CWF19L2: variants seen among roughly 807,000 people sequenced by gnomAD.
CWF19L2 encodes the protein CWF19 like cell cycle control factor 2.
CWF19L2 carries 98 observed loss-of-function variants against 111.7 expected under a neutral mutation model. The observed-to-expected ratio is 0.88, with a 90% CI of 0.75 to 1.04. The LOEUF is 1.04. Ranked by LOEUF, CWF19L2 falls within the 50% of genes least tolerant of loss-of-function variation. The pLI is 0.00. For missense variants in CWF19L2, 1,101 were observed against 1,051.4 expected, an observed-to-expected ratio of 1.05 and a Z score of -0.65; for synonymous variants, 351 against 342.9, an observed-to-expected ratio of 1.02 and a Z score of -0.26.
intron 16 of CWF19L2, 112 bp from the exon 17 acceptor site, chr11:107,330,131 AT>A: frequency 1.9e-6 from 1 of 523,458 alleles, no homozygotes; most frequent in Non-Finnish European, 3.2e-6. Context: ...CTCAAGACAA[AT>A]GTATAAAATG....
chr11:107,406,316 T>A (rs766456936), intron 10 of CWF19L2, among the ~76,000 whole-genome samples: 2 of 152,108 alleles, frequency 1.3e-5, no homozygotes, highest in South Asian at 4.2e-4. Context: ...AAAGCATGTT[T>A]CAACTTTTAT....
Position 107,438,116 on chromosome 11 carries a change from G to A in CWF19L2, c.664+974C>T, listed in dbSNP as rs180840293. 4.6e-5 allele frequency among the ~76,000 whole-genome samples: 7 copies of A among 152,160 alleles called. No homozygotes were observed. In the East Asian group the frequency reaches 1.2e-3, roughly 25 times the overall value. On this transcript the variant is annotated intron_variant, in intron 6 of 17. Transcript: ENST00000282251. Reference sequence around the variant, plus strand: ...TGTCATCTCTACATAAAATACAGAAGAATTTTAACAAATAACCAAAATAAA... The same window carrying A: ...TGTCATCTCTACATAAAATACAGAAAAATTTTAACAAATAACCAAAATAAA...
intron 6 of CWF19L2, 72 bp from the exon 7 acceptor site, chr11:107,433,821 T>A: frequency 2.2e-6 from 1 of 451,308 alleles, no homozygotes. Flanking sequence ...ATTGCTTCTA[T>A]GACTTCTAAA....
intron 10 of CWF19L2, among the ~76,000 whole-genome samples, chr11:107,394,548 C>A (rs564324638): frequency 3.3e-5 from 5 of 152,178 alleles, no homozygotes; most frequent in Admixed American, 6.5e-5. Flanking sequence ...ACACTCTACT[C>A]TCTCCTGGTT....
intron 10 of CWF19L2, among the ~76,000 whole-genome samples, chr11:107,401,927 A>G (rs1357079199): frequency 6.6e-6 from 1 of 152,182 alleles, no homozygotes; most frequent in Non-Finnish European, 1.5e-5. Context: ...AAATAAACCC[A>G]AATACTTAAA....
chr11:107,350,835 T>C (rs534142980), intron 13 of CWF19L2, among the ~76,000 whole-genome samples: 2 of 151,990 alleles, frequency 1.3e-5, no homozygotes, highest in East Asian at 1.9e-4. Context: ...TGAGAAGATA[T>C]GTGAAGGAAG....
intron 12 of CWF19L2, among the ~76,000 whole-genome samples, chr11:107,356,431 A>C (rs1860238265): frequency 6.6e-6 from 1 of 152,224 alleles, no homozygotes; most frequent in South Asian, 2.1e-4. Flanking sequence ...CATTTCTTAG[A>C]GCACACTGAC....
At chr11:107,434,017 T>C (rs1281270246) in intron 6 of CWF19L2, among the ~76,000 whole-genome samples, 1 of 148,084 alleles carries the variant, frequency 6.8e-6, no homozygotes, top group Non-Finnish European at 1.5e-5. Context: ...AGAATAAGAA[T>C]AAAAGGACAT....
intron 9 of CWF19L2, 111 bp from the exon 10 acceptor site, chr11:107,416,409 A>T (rs1461404730): frequency 4.8e-6 from 2 of 418,808 alleles, no homozygotes; most frequent in Non-Finnish European, 8.2e-6. Context: ...ACACTCATGT[A>T]GCCTTCATCT....
intron 6 of CWF19L2, among the ~76,000 whole-genome samples, 172 bp from the exon 7 acceptor site, chr11:107,433,921 T>TATATATATATATATATATA (rs1861504255): frequency 7.1e-6 from 1 of 140,248 alleles, no homozygotes; most frequent in African/African-American, 2.6e-5. Context: ...TATATATATA[T>TATATATATATATATATATA]TTCAGTGCCT....
intron 6 of CWF19L2, 83 bp downstream of exon 6, chr11:107,439,007 C>T: frequency 4.5e-6 from 3 of 671,122 alleles, no homozygotes; most frequent in South Asian, 3.8e-5. Context: ...CACTGCACTC[C>T]CTGGCTGACA....
chr11:107,417,575 T>A (rs967192495), intron 9 of CWF19L2, among the ~76,000 whole-genome samples: 2 of 152,170 alleles, frequency 1.3e-5, no homozygotes, highest in East Asian at 3.8e-4. Flanking sequence ...GTAGAAAAAG[T>A]GACATCTTTA....
Position 107,373,177 on chromosome 11 carries a change from G to A in CWF19L2, c.1872+16897C>T, listed in dbSNP as rs574832716. ...AGCAGCTGAGATCAAACTGCAAGGC[G>A]GCAGCGAGGCTAGGGGAGGGGCGCC... On this transcript the variant is annotated intron_variant, in intron 12 of 17. Transcript: ENST00000282251. Among the ~76,000 whole-genome samples, 33 of 128,052 alleles carry A rather than the reference G, an allele frequency of 2.6e-4. 5 individuals carry two copies. The highest frequency in any genetic ancestry group is 9.6e-4 in the African/African-American group (29 of 30,162). 84.0% of individuals were successfully genotyped at this position (128,052 alleles called of 152,430 possible). A position where few individuals can be genotyped will look rare whatever the true frequency, so the allele number is the denominator to read the frequency against.
chr11:107,329,965 CA>C lies in CWF19L2; in HGVS notation c.2493del (p.Phe831LeufsTer20). ...FSVDFGLHGG[F>X]AHVIEDQHKF... ...TTGTGCTGATCTTCAATGACATGGG[CA>C]AACCCTCCGTGAAGGCCAAAATCCA... On this transcript the variant is annotated frameshift_variant, in exon 17 of 18. Transcript: ENST00000282251. LOFTEE classifies it high-confidence loss of function. The C allele has an allele frequency of 6.3e-7, 1 of 1,592,262 alleles. No individual in the cohort carries two copies. Among genetic ancestry groups the C allele is most frequent in the South Asian group, 1.2e-5 (1 of 86,742 alleles).
intron 10 of CWF19L2, among the ~76,000 whole-genome samples, chr11:107,408,677 G>T (rs1861115624): frequency 6.6e-6 from 1 of 151,902 alleles, no homozygotes. Flanking sequence ...TTTAAGGAGG[G>T]TTAAAAAATA....
chr11:107,393,811 G>A (rs1860883258), intron 10 of CWF19L2, among the ~76,000 whole-genome samples: 1 of 152,110 alleles, frequency 6.6e-6, no homozygotes, highest in Admixed American at 6.5e-5. Flanking sequence ...TCACTTAACA[G>A]TGGGAACTAA....
At chr11:107,404,785 G>C (rs1861054993) in intron 10 of CWF19L2, among the ~76,000 whole-genome samples, 1 of 152,144 alleles carries the variant, frequency 6.6e-6, no homozygotes, top group Admixed American at 6.6e-5. Flanking sequence ...TGAACAAGCT[G>C]GTGCCTCAGA....
At position 107,334,924 on chromosome 11, in the gene CWF19L2, T is replaced by A; in HGVS notation, c.2396A>T (p.Asn799Ile). The A allele has an allele frequency of 6.2e-7, 1 of 1,608,716 alleles. No individual in the cohort carries two copies. The highest frequency in any genetic ancestry group is 1.1e-5 in the South Asian group (1 of 90,720). Residue 799 changes from asparagine to isoleucine, a missense_variant, in exon 16 of 18, where the codon AAC becomes ATC. Transcript: ENST00000282251. ...TGAAGAGAGATCTATCAACTTCTTG[T>A]TCATGGACCACTCTTCATCAGATTC... ...IMESDEEWSMNKKLIDLSSKD... is the reference protein window; with the variant it reads ...IMESDEEWSMIKKLIDLSSKD...
At chr11:107,434,682 A>G (rs1334214702) in intron 6 of CWF19L2, among the ~76,000 whole-genome samples, 1 of 101,648 alleles carries the variant, frequency 9.8e-6, no homozygotes, top group Admixed American at 9.3e-5. Context: ...CAAAAAAAAA[A>G]AAAAAAAGAA....
Sources: allele counts gnomAD v4.1 joint callset (sites outside exome capture counted in the v4.1 genomes callset), GRCh38; gene constraint gnomAD v4.1.1; transcripts MANE v1.5; gene names NCBI Gene and HGNC (gene_info 2026-07-23, HGNC 2026-07-21).